The following ATXN7L1 variants were observed in gnomAD, a reference collection of about 807,000 sequenced individuals.
ATXN7L1 encodes ataxin-7-like protein 1.
In ATXN7L1, 15 loss-of-function variants were observed where a neutral mutation model predicts 70.8. The ratio of observed to expected loss-of-function variants is 0.21; its 90% CI spans 0.14 to 0.33. ATXN7L1 has a LOEUF of 0.33. Among genes scored for constraint, ATXN7L1 ranks in the 10% least tolerant of loss-of-function variants. The probability of loss-of-function intolerance (pLI) is 1.00; values close to 1 mark genes in which losing one functional copy is unlikely to be tolerated. For synonymous variants in ATXN7L1, 440 were observed against 445.1 expected (o/e 0.99, Z 0.14); for missense variants, 975 against 1,097.1 (o/e 0.89, Z 1.57).
intron 4 of ATXN7L1, among the ~76,000 whole-genome samples, chr7:105,644,773 T>TA (rs924817242): frequency 1.2e-4 from 18 of 152,200 alleles, no homozygotes; most frequent in African/African-American, 4.1e-4. Context: ...TTGACACATT[T>TA]AAAAAGCCAC....
At chr7:105,729,736 C>CTT (rs55774943) in intron 3 of ATXN7L1, among the ~76,000 whole-genome samples, 13 of 129,528 alleles carry the variant, frequency 1.0e-4, no homozygotes, top group Admixed American at 1.6e-4. Context: ...GGCACCACTT[C>CTT]TTTTTTTTTT....
At chr7:105,703,466 C>T (rs1792743674) in intron 3 of ATXN7L1, among the ~76,000 whole-genome samples, 1 of 152,098 alleles carries the variant, frequency 6.6e-6, no homozygotes, top group Non-Finnish European at 1.5e-5. Context: ...CCAAATGTGG[C>T]CAGTTTAAGT....
chr7:105,793,028 A>G (rs1342648773), intron 2 of ATXN7L1, among the ~76,000 whole-genome samples: 1 of 152,262 alleles, frequency 6.6e-6, no homozygotes, highest in Non-Finnish European at 1.5e-5. Context: ...GCAATCTCAC[A>G]GCAGTGATTT....
chr7:105,857,753 T>G (rs1189525228), intron 2 of ATXN7L1, among the ~76,000 whole-genome samples: 3 of 152,196 alleles, frequency 2.0e-5, no homozygotes, highest in African/African-American at 7.2e-5. Flanking sequence ...GGATCACACT[T>G]TACTTCCTGA....
chr7:105,681,866 G>A (rs1805599974), intron 3 of ATXN7L1, among the ~76,000 whole-genome samples: 1 of 152,152 alleles, frequency 6.6e-6, no homozygotes. Context: ...GTCAGGGATT[G>A]CAAGGGAGGA....
intron 3 of ATXN7L1, among the ~76,000 whole-genome samples, chr7:105,734,678 C>T (rs923175117): frequency 6.6e-6 from 1 of 150,682 alleles, no homozygotes; most frequent in African/African-American, 2.4e-5. Flanking sequence ...GAGTTTCTTA[C>T]GTGATGGAGC....
intron 3 of ATXN7L1, among the ~76,000 whole-genome samples, chr7:105,765,132 G>T (rs1801073740): frequency 6.6e-6 from 1 of 151,898 alleles, no homozygotes. Context: ...TCAGGAGTTC[G>T]AGACGAGCCT....
At chr7:105,692,999 T>C (rs1477550317) in intron 3 of ATXN7L1, among the ~76,000 whole-genome samples, 1 of 152,074 alleles carries the variant, frequency 6.6e-6, no homozygotes, top group Non-Finnish European at 1.5e-5. Context: ...ATTACAAGCA[T>C]GAGCCGTCAT....
At chr7:105,781,458 TA>T (rs1251755587) in intron 3 of ATXN7L1, among the ~76,000 whole-genome samples, 1 of 152,248 alleles carries the variant, frequency 6.6e-6, no homozygotes, top group Non-Finnish European at 1.5e-5. Flanking sequence ...TTGTCTTACA[TA>T]CATGCCTGTG....
rs1189867432 is a variant in ATXN7L1, at chr7:105,733,840, A to AT, written c.355+54763_355+54764insA. ...CATCCATCCACCCCTCCATCCGTCC[A>AT]CCCATCCATCCATCCATCCATCCAT... On this transcript the variant is annotated intron_variant, in intron 3 of 11. Transcript: ENST00000419735. Among the ~76,000 whole-genome samples, 45 of 76,366 alleles carry AT rather than the reference A, an allele frequency of 5.9e-4. 4 individuals carry two copies. The highest frequency in any genetic ancestry group is 2.2e-3 in the African/African-American group (40 of 17,786). 50.1% of individuals were successfully genotyped at this position (76,366 alleles called of 152,430 possible). A position where few individuals can be genotyped will look rare whatever the true frequency, so the allele number is the denominator to read the frequency against.
At chr7:105,867,082 G>A (rs1364354824) in intron 2 of ATXN7L1, among the ~76,000 whole-genome samples, 1 of 152,152 alleles carries the variant, frequency 6.6e-6, no homozygotes, top group East Asian at 1.9e-4. Context: ...CAGCAGAGAC[G>A]GCAGGCCCCT....
chr7:105,806,042 C>T (rs1375689830), intron 2 of ATXN7L1, among the ~76,000 whole-genome samples: 14 of 151,972 alleles, frequency 9.2e-5, no homozygotes, highest in Non-Finnish European at 5.9e-5. Flanking sequence ...ACAGAGAGGA[C>T]GCAGGACCCA....
rs2116135144 is a variant in ATXN7L1 at position 105,676,619 on chromosome 7, C to A, written c.356-11331G>T. Among the ~76,000 whole-genome samples, 2 of 152,224 alleles carry A rather than the reference C, an allele frequency of 1.3e-5. 1 individual carries two copies. The highest frequency in any genetic ancestry group is 4.2e-4 in the South Asian group (2 of 4,812). ...CTTTGGGAGGCCGAGGTGGGTGGACCACTTGAGGTCAGGAGTTCAAGACCA... is the reference window on the plus strand; with the variant it reads ...CTTTGGGAGGCCGAGGTGGGTGGACAACTTGAGGTCAGGAGTTCAAGACCA... On this transcript the variant is annotated intron_variant, in intron 3 of 11. Transcript: ENST00000419735.
intron 3 of ATXN7L1, among the ~76,000 whole-genome samples, chr7:105,743,219 C>A (rs1014102770): frequency 2.0e-5 from 3 of 152,128 alleles, no homozygotes; most frequent in Admixed American, 6.5e-5. Flanking sequence ...AGGCAAAGAA[C>A]AGACAGAAAA....
intron 7 of ATXN7L1, among the ~76,000 whole-genome samples, chr7:105,629,111 G>C (rs1445401195): frequency 2.0e-5 from 3 of 152,098 alleles, no homozygotes; most frequent in Non-Finnish European, 4.4e-5. Context: ...GGGACTACAG[G>C]CATGAGCCAC....
intron 3 of ATXN7L1, among the ~76,000 whole-genome samples, chr7:105,739,272 A>G (rs781448530): frequency 6.6e-6 from 1 of 152,188 alleles, no homozygotes; most frequent in African/African-American, 2.4e-5. Flanking sequence ...TTTTAATGGC[A>G]AAAACCACAA....
intron 3 of ATXN7L1, among the ~76,000 whole-genome samples, chr7:105,678,478 C>T (rs985425675): frequency 3.2e-4 from 48 of 152,314 alleles, no homozygotes; most frequent in African/African-American, 1.1e-3. Context: ...AGTGTGCATG[C>T]ACTGGACAAG....
At chr7:105,737,135 C>T (rs572065776) in intron 3 of ATXN7L1, among the ~76,000 whole-genome samples, 2 of 152,260 alleles carry the variant, frequency 1.3e-5, no homozygotes, top group African/African-American at 4.8e-5. Context: ...TCAGGTGTTC[C>T]ACCTCTTTGG....
intron 2 of ATXN7L1, among the ~76,000 whole-genome samples, chr7:105,821,287 C>A (rs1224194551): frequency 6.6e-6 from 1 of 152,214 alleles, no homozygotes; most frequent in Non-Finnish European, 1.5e-5. Flanking sequence ...GATCCACCTG[C>A]CTCAGCCTCC....
Sources: allele counts gnomAD v4.1 joint callset (sites outside exome capture counted in the v4.1 genomes callset), GRCh38; gene constraint gnomAD v4.1.1; transcripts MANE v1.5; gene names NCBI Gene and HGNC (gene_info 2026-07-23, HGNC 2026-07-21).